TLN2: variants seen among roughly 807,000 people sequenced by gnomAD.
TLN2 encodes talin 2.
Under a neutral mutation model 294.7 loss-of-function variants are expected in TLN2, and 118 were observed. The ratio of observed to expected loss-of-function variants is 0.40; its 90% CI spans 0.34 to 0.47. The LOEUF (loss-of-function observed/expected upper bound fraction) is 0.47. Ranked by LOEUF, TLN2 falls within the 20% of genes least tolerant of loss-of-function variation. The pLI is 0.84. For synonymous variants in TLN2, 1,431 were observed against 1,304.5 expected, an observed-to-expected ratio of 1.10 and a Z score of -2.09; for missense variants, 3,083 against 3,282.2, an observed-to-expected ratio of 0.94 and a Z score of 1.48.
chr15:62,656,738 C>G (rs1334659908), intron 8 of TLN2, among the ~76,000 whole-genome samples: 1 of 152,192 alleles, frequency 6.6e-6, no homozygotes, highest in Non-Finnish European at 1.5e-5. Flanking sequence ...TAGGGGTTGG[C>G]AAACTACAGT....
chr15:62,761,629 AAATAATTTGTGCTTCTCAATTGGGCAG>A, intron 37 of TLN2, 25 bp from the exon 38 acceptor site: 1 of 1,611,246 alleles, frequency 6.2e-7, no homozygotes, highest in South Asian at 1.1e-5. Flanking sequence ...TGTGGTTCAG[AAATAATTTGTGCTTCTCAATTGGGCAG>A]AATCTCCCTG....
Position 62,776,829 on chromosome 15 carries a change from C to T in TLN2, c.5433C>T (p.Ile1811=), listed in dbSNP as rs776176598. The T allele has an allele frequency of 6.2e-7, 1 of 1,601,096 alleles. No homozygotes were observed. The highest frequency in any genetic ancestry group is 2.3e-5 in the East Asian group (1 of 43,634). ...AQLMKEAVDD[I]MVTLNEAASE... ...TGATGAAGGAAGCCGTGGATGACAT[C>T]ATGGTGACGCTGAACGAAGCTGCCA... Residue 1811 remains isoleucine (I), a synonymous_variant, in exon 43 of 59, where the codon ATC becomes ATT. Coordinates refer to ENST00000636159, the MANE Select transcript of TLN2 (RefSeq NM_015059.3).
At chr15:62,465,982 T>G (rs1324373312) in intron 1 of TLN2, among the ~76,000 whole-genome samples, 2 of 152,186 alleles carry the variant, frequency 1.3e-5, no homozygotes, top group African/African-American at 4.8e-5. Context: ...CGCGAGGGAC[T>G]GGCGTGGTGG....
chr15:62,465,104 G>GTTT (rs57890839), intron 1 of TLN2, among the ~76,000 whole-genome samples: 1,013 of 85,488 alleles, frequency 0.012, 4 homozygotes, highest in Non-Finnish European at 0.017. Flanking sequence ...TGGTGAGCGC[G>GTTT]TTTTTTTTTT....
chr15:62,439,113 G>C (rs906018697), intron 1 of TLN2, among the ~76,000 whole-genome samples: 1 of 152,122 alleles, frequency 6.6e-6, no homozygotes, highest in African/African-American at 2.4e-5. Flanking sequence ...GATAATAAAT[G>C]CCTGACCCCT....
intron 1 of TLN2, among the ~76,000 whole-genome samples, chr15:62,394,777 T>G (rs2032392790): frequency 1.3e-5 from 2 of 152,150 alleles, no homozygotes; most frequent in African/African-American, 4.8e-5. Flanking sequence ...CTGACAATCT[T>G]TGGCTTGGGG....
intron 1 of TLN2, among the ~76,000 whole-genome samples, chr15:62,534,136 G>A (rs988755159): frequency 4.7e-5 from 7 of 149,234 alleles, no homozygotes; most frequent in African/African-American, 1.8e-4. Flanking sequence ...TCTCCCCACA[G>A]TGTGTAGGGA....
intron 9 of TLN2, among the ~76,000 whole-genome samples, chr15:62,660,405 G>A (rs1004214167): frequency 1.3e-5 from 2 of 152,128 alleles, no homozygotes; most frequent in Admixed American, 6.5e-5. Context: ...TTGATGGGGA[G>A]AATAAGTGCT....
intron 2 of TLN2, among the ~76,000 whole-genome samples, chr15:62,615,971 C>T (rs913151356): frequency 9.2e-5 from 14 of 152,030 alleles, no homozygotes; most frequent in Non-Finnish European, 1.9e-4. Context: ...GTTTCCTCGC[C>T]GTTTGTATTT....
chr15:62,546,610 T>C (rs1041512819), intron 1 of TLN2, among the ~76,000 whole-genome samples: 5 of 152,166 alleles, frequency 3.3e-5, no homozygotes, highest in Admixed American at 2.0e-4. Flanking sequence ...AAGGACAGCA[T>C]AGAGAGCCCC....
At chr15:62,814,821 C>T (rs1167682173) in intron 52 of TLN2, among the ~76,000 whole-genome samples, 1 of 152,158 alleles carries the variant, frequency 6.6e-6, no homozygotes, top group African/African-American at 2.4e-5. Context: ...TTCACGTTCA[C>T]ACAGTTAGCT....
chr15:62,744,815 G>T (rs2061529023), intron 32 of TLN2, among the ~76,000 whole-genome samples: 1 of 152,130 alleles, frequency 6.6e-6, no homozygotes, highest in Non-Finnish European at 1.5e-5. Flanking sequence ...CAAAGTGCTG[G>T]GATTCTAGGC....
intron 21 of TLN2, 77 bp from the exon 22 acceptor site, chr15:62,711,834 G>A (rs2059448401): frequency 6.7e-7 from 1 of 1,495,164 alleles, no homozygotes; most frequent in African/African-American, 1.4e-5. Context: ...GTAGAGACAA[G>A]ACTGTAGTGG....
intron 54 of TLN2, among the ~76,000 whole-genome samples, chr15:62,825,816 TAA>T (rs1491106186): frequency 6.3e-4 from 13 of 20,728 alleles, no homozygotes; most frequent in Admixed American, 2.2e-3. Flanking sequence ...TATTATATTA[TAA>T]TATATATTAT....
chr15:62,411,315 A>T (rs1329969649), intron 1 of TLN2, among the ~76,000 whole-genome samples: 2 of 152,148 alleles, frequency 1.3e-5, no homozygotes, highest in Non-Finnish European at 2.9e-5. Context: ...TATCATCCCC[A>T]AGTAATGAAG....
At chr15:62,768,830 T>C (rs1410784166) in intron 41 of TLN2, among the ~76,000 whole-genome samples, 2 of 152,228 alleles carry the variant, frequency 1.3e-5, no homozygotes, top group Non-Finnish European at 2.9e-5. Context: ...ATTTGGCGGT[T>C]AGCATGGTGA....
intron 16 of TLN2, among the ~76,000 whole-genome samples, chr15:62,700,056 C>T (rs1219056775): frequency 2.6e-5 from 4 of 152,142 alleles, no homozygotes; most frequent in Admixed American, 1.3e-4. Context: ...CAGTTGTGTG[C>T]GTGGAGGTTG....
intron 22 of TLN2, 88 bp from the exon 23 acceptor site, chr15:62,716,243 C>A (rs1464413683): frequency 5.2e-6 from 7 of 1,337,484 alleles, no homozygotes; most frequent in Non-Finnish European, 4.8e-6. Flanking sequence ...CAAATGCTTT[C>A]TATTACTAAG....
At chr15:62,615,642 T>G (rs7178453) in intron 2 of TLN2, among the ~76,000 whole-genome samples, 3,343 of 152,354 alleles carry the variant, frequency 0.022, 136 homozygotes, top group African/African-American at 0.077. Context: ...CACGTGTGTA[T>G]GTATGTAGTT....
Sources: gnomAD v4.1 joint callset for allele counts (sites outside exome capture counted in the v4.1 genomes callset) on GRCh38, gnomAD v4.1.1 for gene constraint, MANE v1.5 for transcripts, NCBI Gene and HGNC (gene_info 2026-07-23, HGNC 2026-07-21) for gene names.